The following STX8 variants were observed in gnomAD, a reference collection of about 807,000 sequenced individuals.
STX8 encodes syntaxin-8.
A neutral mutation model predicts 37.5 loss-of-function variants in STX8; 23 were observed. The ratio of observed to expected loss-of-function variants is 0.61; its 90% CI spans 0.44 to 0.87. The LOEUF is 0.87. STX8 is among the 40% of genes least tolerant of loss of function. The pLI is 0.00. For synonymous variants in STX8, 115 were observed against 99.1 expected, an observed-to-expected ratio of 1.16 and a Z score of -0.95; for missense variants, 313 against 284.7, an observed-to-expected ratio of 1.10 and a Z score of -0.71.
At chr17:9,491,480 G>A (rs553809625) in intron 6 of STX8, among the ~76,000 whole-genome samples, 52 of 152,184 alleles carry the variant, frequency 3.4e-4, no homozygotes, top group Middle Eastern at 6.8e-3. Flanking sequence ...AAACTCCACC[G>A]GGTGTGGGGA....
intron 7 of STX8, among the ~76,000 whole-genome samples, chr17:9,294,688 G>C (rs1908450633): frequency 6.6e-6 from 1 of 152,146 alleles, no homozygotes; most frequent in Non-Finnish European, 1.5e-5. Context: ...CTCTAGTGTT[G>C]GTAAGCATTA....
intron 7 of STX8, among the ~76,000 whole-genome samples, chr17:9,312,523 A>G (rs181125291): frequency 6.6e-6 from 1 of 152,310 alleles, no homozygotes; most frequent in Non-Finnish European, 1.5e-5. Context: ...TTTAAGGGAT[A>G]TCATAAAAGA....
At chr17:9,292,837 C>T (rs1908364147) in intron 7 of STX8, among the ~76,000 whole-genome samples, 1 of 152,178 alleles carries the variant, frequency 6.6e-6, no homozygotes, top group Non-Finnish European at 1.5e-5. Context: ...CTCTGCAGTT[C>T]CCATGCCCCA....
rs536773711 is a variant in STX8 at position 9,386,284 on chromosome 17, C to A, written c.542-7631G>T. 6.6e-5 allele frequency among the ~76,000 whole-genome samples: 10 copies of A among 152,284 alleles called. No homozygotes were observed. In the South Asian group the frequency reaches 2.1e-3, roughly 32 times the overall value. ...CATGAGCTACTCATGCATGCCACAACTGTCTAAATCTCAAAAAGTTTTGTT... is the reference window on the plus strand; with the variant it reads ...CATGAGCTACTCATGCATGCCACAAATGTCTAAATCTCAAAAAGTTTTGTT... On this transcript the variant is annotated intron_variant, in intron 6 of 7. Transcript: ENST00000306357.
intron 4 of STX8, among the ~76,000 whole-genome samples, chr17:9,543,769 C>T (rs1906380778): frequency 6.6e-6 from 1 of 152,190 alleles, no homozygotes; most frequent in African/African-American, 2.4e-5. Context: ...CTTCTATCTT[C>T]ATTTAAACCC....
intron 6 of STX8, among the ~76,000 whole-genome samples, chr17:9,480,172 T>A (rs760377430): frequency 6.6e-6 from 1 of 152,150 alleles, no homozygotes; most frequent in Non-Finnish European, 1.5e-5. Context: ...GCCTCCCTGA[T>A]GAGAACAAAT....
chr17:9,287,485 C>A (rs999235365), intron 7 of STX8, among the ~76,000 whole-genome samples: 1 of 152,158 alleles, frequency 6.6e-6, no homozygotes, highest in Non-Finnish European at 1.5e-5. Context: ...GAGATGAAAT[C>A]CTGGTTTTCA....
intron 6 of STX8, among the ~76,000 whole-genome samples, chr17:9,488,649 T>C (rs1041552082): frequency 3.9e-5 from 6 of 152,180 alleles, no homozygotes; most frequent in African/African-American, 1.2e-4. Flanking sequence ...CCAAGGAATG[T>C]AGCTGGACCT....
intron 6 of STX8, among the ~76,000 whole-genome samples, chr17:9,451,249 A>G (rs528827488): frequency 2.6e-5 from 4 of 152,282 alleles, no homozygotes; most frequent in African/African-American, 9.6e-5. Context: ...TTCCACATAT[A>G]TGTATCTCTC....
At chr17:9,476,089 G>C (rs916167931) in intron 6 of STX8, among the ~76,000 whole-genome samples, 25 of 152,222 alleles carry the variant, frequency 1.6e-4, no homozygotes, top group Non-Finnish European at 2.2e-4. Flanking sequence ...TGAGACAGAA[G>C]AATCGTTTGA....
chr17:9,495,212 G>A (rs541779410), intron 5 of STX8, among the ~76,000 whole-genome samples: 21 of 152,164 alleles, frequency 1.4e-4, no homozygotes, highest in Middle Eastern at 3.4e-3. Context: ...ATGACCTGCC[G>A]TCTTTAGGGA....
intron 3 of STX8, among the ~76,000 whole-genome samples, chr17:9,556,653 G>A (rs950890846): frequency 1.3e-5 from 2 of 150,760 alleles, no homozygotes; most frequent in Non-Finnish European, 3.0e-5. Flanking sequence ...TGTTGACCAG[G>A]CTGGTCTCGA....
chr17:9,265,225 T>C (rs1261561347), intron 7 of STX8, among the ~76,000 whole-genome samples: 1 of 151,946 alleles, frequency 6.6e-6, no homozygotes, highest in Non-Finnish European at 1.5e-5. Flanking sequence ...TGATTAATAC[T>C]ATAGATGTCC....
At chr17:9,533,845 T>C (rs971597996) in intron 4 of STX8, among the ~76,000 whole-genome samples, 1 of 152,192 alleles carries the variant, frequency 6.6e-6, no homozygotes, top group African/African-American at 2.4e-5. Flanking sequence ...TTCCTTGTTA[T>C]CAGAACCTCA....
Position 9,298,772 on chromosome 17 carries a change from A to G in STX8, c.644-48127T>C, listed in dbSNP as rs527241498. Among the ~76,000 whole-genome samples, 6 of 152,204 alleles carry G rather than the reference A, an allele frequency of 3.9e-5. No homozygotes were observed. In the South Asian group the frequency reaches 1.2e-3, roughly 31 times the overall value. ...GGTTGCAGTGAGCCGAGATCACGCC[A>G]CTGCACTCCAGTCTAGGCAACAAGA... On this transcript the variant is annotated intron_variant, in intron 7 of 7. Coordinates refer to ENST00000306357, the MANE Select transcript of STX8 (RefSeq NM_004853.3).
chr17:9,542,584 G>A (rs1325824901), intron 4 of STX8, among the ~76,000 whole-genome samples: 1 of 151,976 alleles, frequency 6.6e-6, no homozygotes, highest in African/African-American at 2.4e-5. Context: ...GGCTGAGGCA[G>A]GAGAGTGGTG....
intron 6 of STX8, among the ~76,000 whole-genome samples, chr17:9,479,800 C>T (rs1272697779): frequency 2.0e-5 from 3 of 151,940 alleles, no homozygotes; most frequent in Non-Finnish European, 2.9e-5. Flanking sequence ...CAAGCCCTAA[C>T]CCCCGCCTCC....
intron 2 of STX8, 83 bp from the exon 3 acceptor site, chr17:9,557,611 G>C: frequency 1.7e-6 from 2 of 1,183,078 alleles, no homozygotes; most frequent in Non-Finnish European, 2.5e-6. Flanking sequence ...ACTACTTCAC[G>C]GGCTATGATG....
intron 6 of STX8, among the ~76,000 whole-genome samples, chr17:9,462,090 T>C (rs1411374689): frequency 1.3e-5 from 2 of 152,166 alleles, no homozygotes; most frequent in African/African-American, 4.8e-5. Context: ...TGCAACCTGG[T>C]TCCTAGCAGG....
Sources: allele counts gnomAD v4.1 joint callset (sites outside exome capture counted in the v4.1 genomes callset), GRCh38; gene constraint gnomAD v4.1.1; transcripts MANE v1.5; gene names NCBI Gene and HGNC (gene_info 2026-07-23, HGNC 2026-07-21).